Variants in LINC00632 observed in about 807,000 individuals in gnomAD.
LINC00632 encodes the protein ALDOA related specific transcript.
chrX:140,743,246 A>G (rs1290936768), intron 3 of LINC00632, among the ~76,000 whole-genome samples: 1 of 102,895 alleles, frequency 9.7e-6, no homozygotes, highest in Non-Finnish European at 2.0e-5. Context: ...AAAAAAAAAA[A>G]AAAAAAAAAA....
At chrX:140,732,763 G>A (rs995313814) in intron 2 of LINC00632, among the ~76,000 whole-genome samples, 1 of 108,515 alleles carries the variant, frequency 9.2e-6, no homozygotes, top group Non-Finnish European at 1.9e-5. Context: ...AGGTGGCTAT[G>A]ACTTTTTTTT....
At chrX:140,771,975 C>T (rs897146326) in intron 3 of LINC00632, 2 of 209,064 alleles carry the variant, frequency 9.6e-6, no homozygotes, top group Non-Finnish European at 1.7e-5. Flanking sequence ...CCACCATGCC[C>T]GGCCCTGGCA....
chrX:140,734,550 A>T (rs1170114146), intron 3 of LINC00632, among the ~76,000 whole-genome samples: 1 of 110,296 alleles, frequency 9.1e-6, no homozygotes, highest in Admixed American at 9.9e-5. Flanking sequence ...ATACATTTTC[A>T]ATATTTAAAG....
At chrX:140,748,047 C>G (rs1433480221) in intron 3 of LINC00632, among the ~76,000 whole-genome samples, 1 of 111,490 alleles carries the variant, frequency 9.0e-6, no homozygotes, top group South Asian at 3.8e-4. Flanking sequence ...AGGCTGGTCT[C>G]GAGCTCCTGA....
intron 2 of LINC00632, among the ~76,000 whole-genome samples, chrX:140,731,974 C>T (rs916106180): frequency 9.0e-6 from 1 of 111,210 alleles, no homozygotes; most frequent in Non-Finnish European, 1.9e-5. Flanking sequence ...GAGGCTGAGG[C>T]GGGTGGATCA....
intron 2 of LINC00632, among the ~76,000 whole-genome samples, chrX:140,728,801 T>C (rs1239431551): frequency 9.0e-6 from 1 of 111,560 alleles, no homozygotes; most frequent in East Asian, 2.8e-4. Context: ...ACTCAACCCA[T>C]GTGAGATTCT....
rs200954862 is a variant in LINC00632, at chrX:140,773,206, A to AAGAAGAGAAGAGAAG, written n.1331_1345dup. ...AGAGAAGAGAAAAGAGAAGAGAAGA[A>AAGAAGAGAAGAGAAG]AGAAGAGAAGAGAAGAGAAGAGAAG... is the stretch of plus-strand genomic sequence containing the variant. On this transcript the variant is annotated non_coding_transcript_exon_variant, in exon 4 of 5. Transcript: ENST00000648200. 1.9e-3 allele frequency among the ~76,000 whole-genome samples: 204 copies of AAGAAGAGAAGAGAAG among 109,093 alleles called. 2 individuals carry two copies. Among genetic ancestry groups the AAGAAGAGAAGAGAAG allele is most frequent in the African/African-American group, 6.6e-3 (189 of 28,595 alleles). 94.7% of individuals were successfully genotyped at this position (109,093 alleles called of 115,157 possible). A position where few individuals can be genotyped will look rare whatever the true frequency, so the allele number is the denominator to read the frequency against.
chrX:140,780,480 G>T (rs756418184), exon 5 of LINC00632, among the ~76,000 whole-genome samples: 4 of 111,893 alleles, frequency 3.6e-5, no homozygotes, highest in South Asian at 7.5e-4. Context: ...ACATTTATTT[G>T]TGTAGTGACT....
intron 2 of LINC00632, among the ~76,000 whole-genome samples, chrX:140,717,404 A>G (rs1366666134): frequency 2.7e-5 from 3 of 110,769 alleles, no homozygotes; most frequent in Non-Finnish European, 5.7e-5. Context: ...CCCATACCAC[A>G]CAGATTTGCT....
rs890600727 is a variant in LINC00632 at position 140,743,839 on chromosome X, G to A, written n.191+9875G>A. 7.2e-5 allele frequency among the ~76,000 whole-genome samples: 8 copies of A among 111,467 alleles called. 1 individual carries two copies. The highest frequency in any genetic ancestry group is 1.9e-4 in the Admixed American group (2 of 10,433). On this transcript the variant is annotated intron_variant and non_coding_transcript_variant, in intron 3 of 4. Coordinates refer to ENST00000648200, the Ensembl canonical transcript of LINC00632. ...CCTCCACCTCCTCCTCTTGACCTTG[G>A]AGTTGCTAAAATTTTTAGGTGTTGC...
Position 140,788,129 on chromosome X carries a change from A to G in LINC00632, n.16148A>G, listed in dbSNP as rs1932043747. Among the ~76,000 whole-genome samples, 2 of 109,107 alleles carry G rather than the reference A, an allele frequency of 1.8e-5. 1 individual carries two copies. Among genetic ancestry groups the G allele is most frequent in the African/African-American group, 6.7e-5 (2 of 29,647 alleles). The allele number at this position is 109,107 out of a possible 115,157, so 94.7% of individuals were successfully genotyped here. ...GCTACATACACATAGCATACAAATAATTTATTAAAAAGCAAAAAAAAAATT... is the reference window on the plus strand; with the variant it reads ...GCTACATACACATAGCATACAAATAGTTTATTAAAAAGCAAAAAAAAAATT... On this transcript the variant is annotated non_coding_transcript_exon_variant, in exon 5 of 5. Transcript: ENST00000648200.
chrX:140,788,600 T>C, exon 5 of LINC00632, among the ~76,000 whole-genome samples: 1 of 109,426 alleles, frequency 9.1e-6, no homozygotes, highest in Middle Eastern at 4.9e-3. Context: ...TATAGGAAAA[T>C]ACAATATTAT....
At chrX:140,763,054 TGC>T (rs1931627777) in intron 3 of LINC00632, among the ~76,000 whole-genome samples, 1 of 111,836 alleles carries the variant, frequency 8.9e-6, no homozygotes. Flanking sequence ...GTGATATTTT[TGC>T]CTACATCTGT....
At chrX:140,780,389 A>G (rs1420849439) in exon 5 of LINC00632, among the ~76,000 whole-genome samples, 4 of 111,826 alleles carry the variant, frequency 3.6e-5, no homozygotes, top group African/African-American at 9.8e-5. Flanking sequence ...TGAGGGATAC[A>G]TGAAACAATA....
intron 3 of LINC00632, among the ~76,000 whole-genome samples, chrX:140,771,302 C>G (rs1049832427): frequency 2.0e-5 from 2 of 97,904 alleles, no homozygotes; most frequent in Non-Finnish European, 3.8e-5. Flanking sequence ...AAGTAAATGA[C>G]ATGCTCGGAA....
intron 3 of LINC00632, among the ~76,000 whole-genome samples, chrX:140,763,572 T>C (rs369319673): frequency 1.3e-3 from 150 of 111,410 alleles, no homozygotes; most frequent in African/African-American, 4.4e-3. Flanking sequence ...CTAAGTCTGA[T>C]ATTTGTTCTT....
intron 2 of LINC00632, among the ~76,000 whole-genome samples, chrX:140,722,242 G>T (rs73590131): frequency 0.027 from 2,898 of 109,292 alleles, 61 homozygotes; most frequent in African/African-American, 0.069. Context: ...AAACAAACAT[G>T]CCCTCTAATA....
intron 2 of LINC00632, among the ~76,000 whole-genome samples, chrX:140,719,693 A>G (rs1930695074): frequency 9.0e-6 from 1 of 110,876 alleles, no homozygotes; most frequent in African/African-American, 3.3e-5. Context: ...GATGGTCCAC[A>G]TACAGAGAAA....
chrX:140,713,302 C>T (rs1348348820), intron 2 of LINC00632, among the ~76,000 whole-genome samples: 1 of 110,392 alleles, frequency 9.1e-6, no homozygotes, highest in Non-Finnish European at 1.9e-5. Context: ...GCCACCGATG[C>T]CCTCAGGGCC....
Sources: gnomAD v4.1 joint callset for allele counts (sites outside exome capture counted in the v4.1 genomes callset) on GRCh38, gnomAD v4.1.1 for gene constraint, MANE v1.5 for transcripts, NCBI Gene and HGNC (gene_info 2026-07-23, HGNC 2026-07-21) for gene names.